Variants in CALD1 observed in about 807,000 individuals in gnomAD.
The protein encoded by CALD1 is caldesmon 1.
In CALD1, 33 loss-of-function variants were observed where a neutral mutation model predicts 99.9. That is an observed-to-expected ratio of 0.33 (90% CI 0.25 to 0.44). CALD1 has a LOEUF of 0.44. Among genes scored for constraint, CALD1 ranks in the 20% least tolerant of loss-of-function variants. The pLI, the probability that CALD1 is intolerant of heterozygous loss-of-function variation, is 1.00. For synonymous variants in CALD1, 310 were observed against 325.0 expected (o/e 0.95, Z 0.50); for missense variants, 861 against 962.1 (o/e 0.89, Z 1.39).
At chr7:134,878,177 C>G (rs998340681) in intron 3 of CALD1, among the ~76,000 whole-genome samples, 2 of 152,102 alleles carry the variant, frequency 1.3e-5, no homozygotes, top group Non-Finnish European at 2.9e-5. Flanking sequence ...CTCCAGGGCC[C>G]TGGGATCCAG....
At chr7:134,859,979 G>T (rs1488033406) in intron 2 of CALD1, among the ~76,000 whole-genome samples, 2 of 152,104 alleles carry the variant, frequency 1.3e-5, no homozygotes, top group African/African-American at 4.8e-5. Flanking sequence ...TACAAATAGA[G>T]AAATGGTAAT....
At chr7:134,860,614 A>G (rs1279768607) in intron 2 of CALD1, among the ~76,000 whole-genome samples, 1 of 152,230 alleles carries the variant, frequency 6.6e-6, no homozygotes, top group Non-Finnish European at 1.5e-5. Context: ...CTCTGTCTCA[A>G]TTGTGGAAAA....
chr7:134,740,199 TTC>T (rs1403084996), upstream of CALD1, among the ~76,000 whole-genome samples: 4 of 152,158 alleles, frequency 2.6e-5, no homozygotes, highest in Non-Finnish European at 4.4e-5. Flanking sequence ...TGTTGGACTA[TTC>T]TCTTAGCCTC....
chr7:134,728,131 T>C, the CALD1 span, among the ~76,000 whole-genome samples: 18,969 of 149,030 alleles, frequency 0.13, 1,476 homozygotes, highest in Non-Finnish European at 0.18. Context: ...GAGTTCTTTG[T>C]GCTATAATAC....
intron 9 of CALD1, 88 bp from the exon 10 acceptor site, chr7:134,957,981 G>C: frequency 1.0e-6 from 1 of 969,724 alleles, no homozygotes; most frequent in Non-Finnish European, 1.7e-6. Context: ...GTGTTTAACA[G>C]GTTCAGGGAT....
intron 1 of CALD1, among the ~76,000 whole-genome samples, chr7:134,827,934 T>C (rs2132051458): frequency 6.6e-6 from 1 of 152,340 alleles, no homozygotes; most frequent in African/African-American, 2.4e-5. Context: ...AGAGCCTTTC[T>C]GAGCAGCTTG....
intron 13 of CALD1, among the ~76,000 whole-genome samples, chr7:134,964,161 C>T (rs1272322006): frequency 6.6e-6 from 1 of 152,190 alleles, no homozygotes; most frequent in Non-Finnish European, 1.5e-5. Context: ...TGCGCCACTG[C>T]ACTCCAGCCT....
At position 134,861,840 on chromosome 7, in the gene CALD1, C is replaced by A. The variant is rs542334858; in HGVS notation, c.-41-5853C>A. ...AGTGTTCCAAGACTAGAGTTCCTTG[C>A]GAGAGCAGAGAAATGATGATGTTGT... On this transcript the variant is annotated intron_variant, in intron 2 of 14. Transcript: ENST00000361675. 2.0e-5 allele frequency among the ~76,000 whole-genome samples: 3 copies of A among 152,106 alleles called. No homozygotes were observed. In the East Asian group the frequency reaches 5.8e-4, roughly 29 times the overall value.
At chr7:134,802,544 T>G (rs1381123369) in intron 1 of CALD1, among the ~76,000 whole-genome samples, 1 of 152,230 alleles carries the variant, frequency 6.6e-6, no homozygotes, top group East Asian at 1.9e-4. Flanking sequence ...CAACTTATGA[T>G]GGGGTTATAT....
chr7:134,806,995 G>A (rs978405899), intron 1 of CALD1, among the ~76,000 whole-genome samples: 20 of 152,178 alleles, frequency 1.3e-4, no homozygotes, highest in Non-Finnish European at 2.5e-4. Flanking sequence ...ATTATTAATT[G>A]AGGAAAATTA....
chr7:134,744,943 T>C (rs1285737257), intron 1 of CALD1, among the ~76,000 whole-genome samples: 1 of 152,226 alleles, frequency 6.6e-6, no homozygotes, highest in African/African-American at 2.4e-5. Context: ...CCACGTATCA[T>C]AGTAATTTAT....
chr7:134,752,862 C>T (rs758830764), intron 1 of CALD1, among the ~76,000 whole-genome samples: 15 of 151,496 alleles, frequency 9.9e-5, no homozygotes, highest in Non-Finnish European at 1.6e-4. Flanking sequence ...ATTAGCCAGG[C>T]GTGGTGGCAT....
intron 3 of CALD1, chr7:134,928,164 G>T: frequency 4.3e-6 from 1 of 234,130 alleles, no homozygotes; most frequent in Non-Finnish European, 9.3e-6. Flanking sequence ...AGGCCCGGTG[G>T]CTCACGCCTG....
chr7:134,858,582 T>C (rs1029754498), intron 2 of CALD1, among the ~76,000 whole-genome samples: 3 of 151,152 alleles, frequency 2.0e-5, no homozygotes, highest in Non-Finnish European at 4.4e-5. Context: ...AAAGATCTCT[T>C]TTTTTTTTGA....
intron 1 of CALD1, among the ~76,000 whole-genome samples, chr7:134,806,372 C>T (rs923657679): frequency 1.2e-4 from 18 of 152,148 alleles, no homozygotes; most frequent in African/African-American, 4.3e-4. Context: ...CATTTGTGTT[C>T]GTAGATGAAA....
At chr7:134,940,157 G>A (rs73454270) in intron 6 of CALD1, among the ~76,000 whole-genome samples, 6,751 of 152,180 alleles carry the variant, frequency 0.044, 471 homozygotes, top group African/African-American at 0.15. Context: ...AAGAACCATC[G>A]TGAATGCACC....
chr7:134,743,027 A>G (rs187949436), upstream of CALD1, among the ~76,000 whole-genome samples: 105 of 152,322 alleles, frequency 6.9e-4, no homozygotes, highest in Middle Eastern at 3.4e-3. Context: ...TTTAAAGTCA[A>G]TCTAAGATCT....
intron 2 of CALD1, among the ~76,000 whole-genome samples, chr7:134,853,239 G>C (rs1340056108): frequency 6.6e-6 from 1 of 152,160 alleles, no homozygotes; most frequent in Admixed American, 6.5e-5. Flanking sequence ...CCTCAAATCT[G>C]ACTAGTTGCT....
chr7:134,811,772 C>A (rs966807412), intron 1 of CALD1, among the ~76,000 whole-genome samples: 5 of 152,080 alleles, frequency 3.3e-5, no homozygotes, highest in Non-Finnish European at 7.4e-5. Flanking sequence ...CTTAGAAGCC[C>A]ATTTGGACAT....
Sources: gnomAD v4.1 joint callset for allele counts (sites outside exome capture counted in the v4.1 genomes callset) on GRCh38, gnomAD v4.1.1 for gene constraint, MANE v1.5 for transcripts, NCBI Gene and HGNC (gene_info 2026-07-23, HGNC 2026-07-21) for gene names.